Variants in PIGS observed in about 807,000 individuals in gnomAD.
The protein encoded by PIGS is phosphatidylinositol glycan anchor biosynthesis class S, also known as GPI-anchor transamidase component PIGS.
PIGS carries 37 observed loss-of-function variants against 58.2 expected under a neutral mutation model. The ratio of observed to expected loss-of-function variants is 0.64; its 90% CI spans 0.49 to 0.84. PIGS has a LOEUF of 0.84. PIGS is among the 40% of genes least tolerant of loss of function. The pLI, the probability that PIGS is intolerant of heterozygous loss-of-function variation, is 0.00. For missense variants in PIGS, 629 were observed against 710.8 expected (o/e 0.88, Z 1.31); for synonymous variants, 269 against 289.2 (o/e 0.93, Z 0.71).
At chr17:28,569,012 G>A (rs147993312) in intron 3 of PIGS, among the ~76,000 whole-genome samples, 3,567 of 150,516 alleles carry the variant, frequency 0.024, 60 homozygotes, top group Non-Finnish European at 0.036. Flanking sequence ...CAGAAGAATC[G>A]TTTGAACCCA....
intron 4 of PIGS, 52 bp downstream of exon 4, chr17:28,563,766 G>C: frequency 6.5e-7 from 1 of 1,534,806 alleles, no homozygotes; most frequent in Admixed American, 1.7e-5. Flanking sequence ...TTAGAGATCA[G>C]AAGGAAAAAG....
chr17:28,558,555 G>A lies in PIGS; in HGVS notation c.855C>T (p.Arg285=). The change falls in exon 8 of 12, where the codon CGC becomes CGT. Residue 285 remains arginine (R), a synonymous_variant. Coordinates refer to ENST00000308360, the MANE Select transcript of PIGS (RefSeq NM_033198.4). ...LYYAMLGVNP[R]FDSASSSYYL... ...AGTAGCTGGAGGAAGCTGAGTCAAA[G>A]CGGGGATTCACCCCCAACATTGCAT... is the stretch of plus-strand genomic sequence containing the variant. The A allele has an allele frequency of 1.2e-6, 2 of 1,612,992 alleles. No homozygotes were observed.
chr17:28,569,939 A>T (rs2070417228), intron 3 of PIGS, among the ~76,000 whole-genome samples: 3 of 152,162 alleles, frequency 2.0e-5, no homozygotes, highest in Non-Finnish European at 4.4e-5. Flanking sequence ...CTTTGCCTGA[A>T]ATTCTCTCCC....
At chr17:28,563,656 C>G in intron 4 of PIGS, 134 bp from the exon 5 acceptor site, 1 of 1,173,300 alleles carries the variant, frequency 8.5e-7, no homozygotes, top group East Asian at 2.4e-5. Context: ...GCCAATCAAC[C>G]TCTCTGGCCC....
Position 28,571,149 on chromosome 17 carries a change from G to A in PIGS, c.74C>T (p.Ala25Val), listed in dbSNP as rs756899049. 7.4e-6 allele frequency: 12 copies of A among 1,613,620 alleles called. No individual in the cohort carries two copies. Among genetic ancestry groups the A allele is most frequent in the South Asian group, 5.5e-5 (5 of 91,086 alleles). The change falls in exon 2 of 12, where the codon GCG becomes GTG. Residue 25 changes from alanine to valine, a missense_variant. Transcript: ENST00000308360. Reference protein sequence around the residue: ...RGKRAALFFAAVAIVLGLPLW... With the variant: ...RGKRAALFFAVVAIVLGLPLW... ...CGGTAGCCCCAGCACGATGGCCACC[G>A]CAGCGAAGAAGAGGGCGGCGCGCTT... is the stretch of plus-strand genomic sequence containing the variant.
chr17:28,563,803 C>A lies in PIGS; in HGVS notation c.376+15G>T. 6.2e-7 allele frequency: 1 copy of A among 1,602,284 alleles called. No individual in the cohort carries two copies. Among genetic ancestry groups the A allele is most frequent in the South Asian group, 1.1e-5 (1 of 90,806 alleles). On this transcript the variant is annotated intron_variant, in intron 4 of 11. Coordinates refer to ENST00000308360, the MANE Select transcript of PIGS (RefSeq NM_033198.4). ...GGGCTTCACATTAAAATGGTGTGCT[C>A]ATCCCTTCCCATACCTTGCACACTG...
intron 6 of PIGS, among the ~76,000 whole-genome samples, chr17:28,561,119 G>A (rs1283708435): frequency 6.6e-6 from 1 of 151,990 alleles, no homozygotes; most frequent in East Asian, 1.9e-4. Flanking sequence ...TTAGCCAGGA[G>A]TGGTGGCGGG....
In PIGS at chr17:28,554,908, CAGGGAGGTAAGGGTGGTGG is replaced by C. The variant is rs1466981559; in HGVS notation, c.1316_1334del (p.Thr439ArgfsTer25). ...TGCTGATCTTGCCCAGAAGCTGCGC[CAGGGAGGTAAGGGTGGTGG>C]TGGCTGTGGCCAGGTTCTCCACTGA... On this transcript the variant is annotated frameshift_variant, in exon 11 of 12. Transcript: ENST00000308360. LOFTEE classifies it high-confidence loss of function. The C allele has an allele frequency of 6.2e-7, 1 of 1,614,130 alleles. No individual in the cohort carries two copies. Among genetic ancestry groups the C allele is most frequent in the Admixed American group, 1.7e-5 (1 of 60,012 alleles).
chr17:28,554,262 C>T lies in PIGS; in HGVS notation c.1626G>A (p.Leu542=), dbSNP rs773766350. 2.2e-5 allele frequency: 36 copies of T among 1,614,052 alleles called. No homozygotes were observed. In the Middle Eastern group the frequency reaches 6.6e-4, roughly 29 times the overall value. ...PILLSLVKIF[L]ETRKSWRKPE... is the part of the protein sequence containing the mutation. Reference sequence around the variant, plus strand: ...GCTTTCTCCAGGACTTGCGGGTCTCCAGGAAGATCTTGACCAGGGACAGGA... The same window carrying T: ...GCTTTCTCCAGGACTTGCGGGTCTCTAGGAAGATCTTGACCAGGGACAGGA... The change falls in exon 12 of 12, where the codon CTG becomes CTA. Residue 542 remains leucine (L), a synonymous_variant. Coordinates refer to ENST00000308360, the MANE Select transcript of PIGS (RefSeq NM_033198.4).
Position 28,556,897 on chromosome 17 carries a change from T to A in PIGS, c.1010A>T (p.Tyr337Phe), listed in dbSNP as rs1464789179. 1.9e-6 allele frequency: 3 copies of A among 1,614,082 alleles called. No individual in the cohort carries two copies. Among genetic ancestry groups the A allele is most frequent in the Non-Finnish European group, 2.5e-6 (3 of 1,180,040 alleles). The change falls in exon 9 of 12, where the codon TAC becomes TTC. Residue 337 changes from tyrosine (Y) to phenylalanine (F), a missense_variant. By Grantham distance (22) the Tyr-to-Phe change is conservative. Transcript: ENST00000308360. ...TGGAGCGCCATCCTTGTCCTGAATGTACAGCGGTGAGTGTGCAAGCTCAGG... is the reference window on the plus strand; with the variant it reads ...TGGAGCGCCATCCTTGTCCTGAATGAACAGCGGTGAGTGTGCAAGCTCAGG... ...YVPELAHSPL[Y>F]IQDKDGAPVA...
intron 4 of PIGS, 138 bp downstream of exon 4, chr17:28,563,680 C>A: frequency 8.2e-7 from 1 of 1,216,610 alleles, no homozygotes. Context: ...GTGGACTGGG[C>A]TGAATCCCAC....
intron 3 of PIGS, among the ~76,000 whole-genome samples, chr17:28,567,480 C>T (rs1597587208): frequency 6.6e-6 from 1 of 152,188 alleles, no homozygotes; most frequent in East Asian, 1.9e-4. Context: ...GGGGAGCTGA[C>T]ATAAAATAAA....
intron 8 of PIGS, among the ~76,000 whole-genome samples, chr17:28,558,131 C>G (rs2070341816): frequency 6.6e-6 from 1 of 152,090 alleles, no homozygotes; most frequent in Non-Finnish European, 1.5e-5. Context: ...ATAATGAGAT[C>G]CTGTCTCTAA....
rs1240154986 is a variant in PIGS, at chr17:28,560,784, TAAAATA to T, written c.677-599_677-594del. On this transcript the variant is annotated intron_variant, in intron 6 of 11. Transcript: ENST00000308360. Reference sequence around the variant, plus strand: ...CAGGAGGCTCCGTCTCAAAAAAAAATAAAATAAAAATAAAAATACAAGAATTAGCCA... The same window carrying T: ...CAGGAGGCTCCGTCTCAAAAAAAAATAAAATAAAAATACAAGAATTAGCCA... Among the ~76,000 whole-genome samples, 3 of 149,966 alleles carry T rather than the reference TAAAATA, an allele frequency of 2.0e-5. No individual in the cohort carries two copies. The South Asian group carries it at 6.4e-4, about 32-fold the overall frequency.
chr17:28,557,369 C>G (rs1402150221), intron 8 of PIGS: 3 of 211,544 alleles, frequency 1.4e-5, no homozygotes, highest in Non-Finnish European at 2.8e-5. Context: ...AAAGTTCAAA[C>G]TCCTTAACAT....
intron 3 of PIGS, among the ~76,000 whole-genome samples, chr17:28,566,594 T>A (rs1242128639): frequency 1.9e-5 from 2 of 107,580 alleles, no homozygotes; most frequent in African/African-American, 7.6e-5. Context: ...CCCAGCCTAC[T>A]TTTTTTTTTT....
chr17:28,564,151 G>A (rs2070381800), intron 3 of PIGS, among the ~76,000 whole-genome samples: 3 of 152,216 alleles, frequency 2.0e-5, no homozygotes, highest in East Asian at 1.9e-4. Flanking sequence ...AGCGTGAAAC[G>A]TCTTCCCACT....
rs146802738 is a variant in PIGS at position 28,561,613 on chromosome 17, A to G, written c.485T>C (p.Ile162Thr). 89 of 1,612,700 alleles carry G rather than the reference A, an allele frequency of 5.5e-5. No individual in the cohort carries two copies. Among genetic ancestry groups the G allele is most frequent in the African/African-American group, 8.0e-5 (6 of 75,018 alleles). ...CACCACTGCTGTCCTCTTGGGCCCA[A>G]TGTAGCTCATCATGTCCTGTGGGGG... ...SLLPQDMMSY[I>T]GPKRTAVVRG... Residue 162 changes from isoleucine to threonine, a missense_variant, in exon 6 of 12, where the codon ATT becomes ACT. Physicochemically the swap from Ile to Thr is moderately conservative, Grantham distance 89 (BLOSUM62 -1). Coordinates refer to ENST00000308360, the MANE Select transcript of PIGS (RefSeq NM_033198.4).
chr17:28,558,538 G>A lies in PIGS; in HGVS notation c.872C>T (p.Ser291Phe). 1.9e-6 allele frequency: 3 copies of A among 1,613,240 alleles called. No individual in the cohort carries two copies. The highest frequency in any genetic ancestry group is 2.5e-6 in the Non-Finnish European group (3 of 1,179,782). ...GVNPRFDSAS[S>F]SYYLDMHSLP... ...GCTGTGCATGTCCAAATAGTAGCTG[G>A]AGGAAGCTGAGTCAAAGCGGGGATT... The change falls in exon 8 of 12, where the codon TCC (serine) becomes TTC (phenylalanine). Residue 291 changes from serine (S) to phenylalanine (F), a missense_variant. Physicochemically the swap from Ser to Phe is radical, Grantham distance 155. Coordinates refer to ENST00000308360, the MANE Select transcript of PIGS (RefSeq NM_033198.4).
Sources: allele counts gnomAD v4.1 joint callset (sites outside exome capture counted in the v4.1 genomes callset), GRCh38; gene constraint gnomAD v4.1.1; transcripts MANE v1.5; gene names NCBI Gene and HGNC (gene_info 2026-07-23, HGNC 2026-07-21).